AFAP1L1: variants seen among roughly 807,000 people sequenced by gnomAD.
AFAP1L1 encodes the protein actin filament associated protein 1 like 1, also known as actin filament-associated protein 1-like 1.
A neutral mutation model predicts 99.8 loss-of-function variants in AFAP1L1; 77 were observed. That is an observed-to-expected ratio of 0.77 (90% CI 0.64 to 0.93). AFAP1L1 has a LOEUF of 0.93. Among genes scored for constraint, AFAP1L1 ranks in the 40% least tolerant of loss-of-function variants. AFAP1L1 has a pLI of 0.00. For missense variants in AFAP1L1, 893 were observed against 996.8 expected (o/e 0.90, Z 1.40); for synonymous variants, 373 against 395.3 (o/e 0.94, Z 0.67).
chr5:149,279,600 C>G (rs1372970659), intron 1 of AFAP1L1, among the ~76,000 whole-genome samples: 1 of 152,184 alleles, frequency 6.6e-6, no homozygotes. Flanking sequence ...TTATTTATAG[C>G]TACTGGTCTG....
intron 1 of AFAP1L1, among the ~76,000 whole-genome samples, chr5:149,287,639 A>G (rs753387853): frequency 2.2e-4 from 33 of 152,180 alleles, no homozygotes; most frequent in Non-Finnish European, 4.1e-4. Context: ...GCTGGAGTGC[A>G]GGGGTGCAAT....
At chr5:149,279,150 A>G (rs994319846) in intron 1 of AFAP1L1, among the ~76,000 whole-genome samples, 14 of 152,244 alleles carry the variant, frequency 9.2e-5, no homozygotes, top group Non-Finnish European at 2.1e-4. Flanking sequence ...GCAAGACTAA[A>G]GTTGAAGTGG....
At chr5:149,305,516 T>C (rs918219698) in intron 5 of AFAP1L1, among the ~76,000 whole-genome samples, 1 of 152,186 alleles carries the variant, frequency 6.6e-6, no homozygotes, top group Non-Finnish European at 1.5e-5. Flanking sequence ...CCCACTCCAA[T>C]GAACCAGAAT....
At chr5:149,286,929 C>T (rs1374521754) in intron 1 of AFAP1L1, among the ~76,000 whole-genome samples, 2 of 152,208 alleles carry the variant, frequency 1.3e-5, no homozygotes, top group South Asian at 2.1e-4. Context: ...CAAAACACAG[C>T]GCACTGTGGG....
chr5:149,337,171 TG>T (rs1757429041), intron 18 of AFAP1L1, among the ~76,000 whole-genome samples: 1 of 152,062 alleles, frequency 6.6e-6, no homozygotes, highest in Non-Finnish European at 1.5e-5. Context: ...GGGGAGATGT[TG>T]GTCAAAGGAT....
Position 149,322,710 on chromosome 5 carries a change from C to A in AFAP1L1, c.1803C>A (p.His601Gln), listed in dbSNP as rs758249512. 1.3e-5 allele frequency: 21 copies of A among 1,581,036 alleles called. No homozygotes were observed. Among genetic ancestry groups the A allele is most frequent in the Admixed American group, 1.8e-5 (1 of 55,774 alleles). Residue 601 changes from histidine to glutamine, a missense_variant, in exon 15 of 19, where the codon CAC (histidine) becomes CAA (glutamine). Physicochemically the swap from His to Gln is conservative, Grantham distance 24. Transcript: ENST00000296721. ...RVDPQVKVKRHASSANQYKYG... is the reference protein window; with the variant it reads ...RVDPQVKVKRQASSANQYKYG... ...ACCCGCAGGTCAAAGTCAAACGCCA[C>A]GCCTCCAGTGAGTTGTGTGTGGGCC...
intron 16 of AFAP1L1, among the ~76,000 whole-genome samples, chr5:149,331,341 C>T (rs1250660104): frequency 6.6e-6 from 1 of 152,092 alleles, no homozygotes; most frequent in Non-Finnish European, 1.5e-5. Context: ...TAAATTGAGG[C>T]TGGGTGCGGT....
At chr5:149,316,445 C>A in intron 11 of AFAP1L1, 142 bp downstream of exon 11, 1 of 1,016,786 alleles carries the variant, frequency 9.8e-7, no homozygotes. Context: ...GGCTAAGCCC[C>A]ACTCCATTAA....
intron 1 of AFAP1L1, among the ~76,000 whole-genome samples, chr5:149,291,524 CAAAA>C (rs1229134807): frequency 0.023 from 306 of 13,364 alleles, 2 homozygotes; most frequent in African/African-American, 0.067. Flanking sequence ...GACTCCGTCT[CAAAA>C]AAAAAAAAAA....
chr5:149,310,425 A>G (rs1756590027), intron 8 of AFAP1L1, among the ~76,000 whole-genome samples: 1 of 152,236 alleles, frequency 6.6e-6, no homozygotes, highest in South Asian at 2.1e-4. Flanking sequence ...CTGGAGGCTT[A>G]GTATGTACAA....
chr5:149,302,602 G>T, intron 5 of AFAP1L1, 76 bp downstream of exon 5: 1 of 1,298,054 alleles, frequency 7.7e-7, no homozygotes, highest in Non-Finnish European at 1.1e-6. Flanking sequence ...TCTGTGTCCT[G>T]TGGGAGCTGG....
Position 149,306,352 on chromosome 5 carries a change from C to T in AFAP1L1, c.483C>T (p.Asp161=), listed in dbSNP as rs375197456. 1.7e-5 allele frequency: 27 copies of T among 1,613,508 alleles called. No homozygotes were observed. Among genetic ancestry groups the T allele is most frequent in the Middle Eastern group, 1.6e-4 (1 of 6,082 alleles). ...CGATTGTGGATGGCTACTATGAGGA[C>T]GCAGACAGCAGCTACCCTGCAACCA... ...SHSIVDGYYE[D]ADSSYPATRV... Residue 161 remains aspartate, a synonymous_variant, in exon 6 of 19, where the codon GAC becomes GAT. Transcript: ENST00000296721.
intron 11 of AFAP1L1, among the ~76,000 whole-genome samples, chr5:149,317,147 AGAGG>A (rs1313881642): frequency 1.3e-5 from 2 of 152,348 alleles, no homozygotes; most frequent in Non-Finnish European, 2.9e-5. Flanking sequence ...CCTGGCTGAC[AGAGG>A]GAGACCCAGT....
chr5:149,284,727 T>A (rs956918311), intron 1 of AFAP1L1, among the ~76,000 whole-genome samples: 1 of 152,136 alleles, frequency 6.6e-6, no homozygotes, highest in Non-Finnish European at 1.5e-5. Context: ...GAGCAGTGGA[T>A]GAGTTGTGAG....
chr5:149,273,661 C>T (rs1406641617), intron 1 of AFAP1L1, among the ~76,000 whole-genome samples: 2 of 152,098 alleles, frequency 1.3e-5, no homozygotes, highest in Non-Finnish European at 2.9e-5. Context: ...GAAGAGTGTA[C>T]ATCAGGGAGG....
chr5:149,290,042 G>A (rs962201152), intron 1 of AFAP1L1, among the ~76,000 whole-genome samples: 9 of 152,202 alleles, frequency 5.9e-5, no homozygotes, highest in African/African-American at 2.2e-4. Context: ...GACCATCCTG[G>A]CTAACATGGT....
At chr5:149,282,804 G>A (rs547223161) in intron 1 of AFAP1L1, among the ~76,000 whole-genome samples, 1 of 152,298 alleles carries the variant, frequency 6.6e-6, no homozygotes, top group South Asian at 2.1e-4. Flanking sequence ...TTCTGAGGGT[G>A]TGTCCAAACC....
Position 149,317,871 on chromosome 5 carries a change from G to A in AFAP1L1, c.1410G>A (p.Pro470=), listed in dbSNP as rs758790151. 15 of 1,603,014 alleles carry A rather than the reference G, an allele frequency of 9.4e-6. No individual in the cohort carries two copies. The highest frequency in any genetic ancestry group is 2.7e-5 in the African/African-American group (2 of 74,716). Residue 470 remains proline (P), a synonymous_variant, in exon 12 of 19, where the codon CCG becomes CCA. Transcript: ENST00000296721. Reference sequence around the variant, plus strand: ...CCCTGCAAGGCTGTGAGGTGGCCCCGGGCTTTGGGCCCCGACACCCATTTG... The same window carrying A: ...CCCTGCAAGGCTGTGAGGTGGCCCCAGGCTTTGGGCCCCGACACCCATTTG... ...AIALQGCEVA[P]GFGPRHPFAF...
At chr5:149,305,474 A>G (rs1756377307) in intron 5 of AFAP1L1, among the ~76,000 whole-genome samples, 2 of 152,204 alleles carry the variant, frequency 1.3e-5, no homozygotes, top group South Asian at 4.1e-4. Context: ...CCTATTAAAT[A>G]GTCATTTTTT....
Sources: gnomAD v4.1 joint callset for allele counts (sites outside exome capture counted in the v4.1 genomes callset) on GRCh38, gnomAD v4.1.1 for gene constraint, MANE v1.5 for transcripts, NCBI Gene and HGNC (gene_info 2026-07-23, HGNC 2026-07-21) for gene names.